Variants in FCHO2 observed in about 807,000 individuals in gnomAD.
FCHO2 encodes the protein FCH and mu domain containing endocytic adaptor 2.
Under a neutral mutation model 114.1 loss-of-function variants are expected in FCHO2, and 43 were observed. That is an observed-to-expected ratio of 0.38 (90% CI 0.30 to 0.49). FCHO2 has a LOEUF of 0.49. FCHO2 is among the 20% of genes least tolerant of loss of function. The pLI is 0.97. For synonymous variants in FCHO2, 293 were observed against 315.2 expected (o/e 0.93, Z 0.75); for missense variants, 807 against 950.4 (o/e 0.85, Z 1.98).
At chr5:73,075,146 G>C (rs116103266) in intron 20 of FCHO2, among the ~76,000 whole-genome samples, 1,651 of 152,186 alleles carry the variant, frequency 0.011, 27 homozygotes, top group Middle Eastern at 0.037. Context: ...ATTATAGTGA[G>C]GGAAAACTAA....
intron 5 of FCHO2, among the ~76,000 whole-genome samples, chr5:72,994,410 A>C (rs1484644024): frequency 2.6e-5 from 4 of 152,238 alleles, no homozygotes; most frequent in Non-Finnish European, 5.9e-5. Flanking sequence ...GATCAGAGAA[A>C]TGCAAATCAA....
intron 22 of FCHO2, among the ~76,000 whole-genome samples, chr5:73,080,333 G>C (rs1743050900): frequency 6.6e-6 from 1 of 152,228 alleles, no homozygotes; most frequent in Admixed American, 6.5e-5. Flanking sequence ...TAGGATGCAA[G>C]TAAAACCTCT....
At position 73,034,666 on chromosome 5, in the gene FCHO2, A is replaced by G; in HGVS notation, c.806A>G (p.Glu269Gly). ...GTGKERPGLI[E>G]FEECDTASAV... ...ATTTCTTTTTTTCCAGGCCTCATTG[A>G]ATTTGAAGAATGTGACACTGCTAGT... Residue 269 changes from glutamate to glycine, a missense_variant, in exon 9 of 26, where the codon GAA (glutamate) becomes GGA (glycine). Coordinates refer to ENST00000430046, the MANE Select transcript of FCHO2 (RefSeq NM_138782.3). 1 of 1,597,360 alleles carries G rather than the reference A, an allele frequency of 6.3e-7. No individual in the cohort carries two copies. The highest frequency in any genetic ancestry group is 1.3e-5 in the African/African-American group (1 of 74,188).
At chr5:73,014,058 T>C (rs1755166826) in intron 6 of FCHO2, among the ~76,000 whole-genome samples, 1 of 152,094 alleles carries the variant, frequency 6.6e-6, no homozygotes, top group African/African-American at 2.4e-5. Flanking sequence ...TCAGAGTAAC[T>C]TGGAAATTTT....
intron 5 of FCHO2, among the ~76,000 whole-genome samples, chr5:73,004,399 G>C (rs2112709903): frequency 6.6e-6 from 1 of 152,220 alleles, no homozygotes; most frequent in East Asian, 1.9e-4. Context: ...ATCTATAGGA[G>C]CAAACTAGAA....
intron 5 of FCHO2, among the ~76,000 whole-genome samples, chr5:73,003,127 C>T (rs1754534342): frequency 6.6e-6 from 1 of 151,992 alleles, no homozygotes; most frequent in African/African-American, 2.4e-5. Context: ...ACCTCAGCTT[C>T]TTGAGTAGCT....
At chr5:73,020,608 A>G in intron 8 of FCHO2, 2 of 718,106 alleles carry the variant, frequency 2.8e-6, no homozygotes, top group African/African-American at 3.5e-5. Flanking sequence ...AAGGGGAATG[A>G]TGGGTTGGAG....
chr5:72,986,971 C>T (rs746677041), intron 2 of FCHO2, among the ~76,000 whole-genome samples: 30 of 151,676 alleles, frequency 2.0e-4, no homozygotes, highest in South Asian at 4.2e-4. Flanking sequence ...CTCTGCCTCC[C>T]GGGTTCACAC....
chr5:73,051,665 T>G (rs1359221080), intron 12 of FCHO2, among the ~76,000 whole-genome samples: 4 of 151,334 alleles, frequency 2.6e-5, no homozygotes, highest in African/African-American at 9.7e-5. Context: ...CTCCCGGGTT[T>G]CAGCGATTCT....
intron 1 of FCHO2, among the ~76,000 whole-genome samples, chr5:72,956,453 C>T (rs1393084112): frequency 6.6e-6 from 1 of 151,380 alleles, no homozygotes; most frequent in Non-Finnish European, 1.5e-5. Context: ...TGCCGCGCTC[C>T]GCGCGGGGCG....
Position 73,047,399 on chromosome 5 carries a change from G to GT in FCHO2, c.940-3939dup, listed in dbSNP as rs547445934. Among the ~76,000 whole-genome samples the GT allele has an allele frequency of 7.5e-3, 1,086 of 145,140 alleles. 6 individuals carry two copies. Among genetic ancestry groups the GT allele is most frequent in the Middle Eastern group, 0.022 (6 of 278 alleles). On this transcript the variant is annotated intron_variant, in intron 11 of 25. Transcript: ENST00000430046. Reference sequence around the variant, plus strand: ...TTGTGTTCTAATTATCCTTTCTGTAGTTTTTTTTTTTAAACAAAGATAAGC... The same window carrying GT: ...TTGTGTTCTAATTATCCTTTCTGTAGTTTTTTTTTTTTAAACAAAGATAAGC...
At chr5:73,016,082 C>T (rs1467106332) in intron 7 of FCHO2, among the ~76,000 whole-genome samples, 1 of 151,762 alleles carries the variant, frequency 6.6e-6, no homozygotes, top group Non-Finnish European at 1.5e-5. Flanking sequence ...TAGAAGTGTT[C>T]CACAAATATA....
intron 2 of FCHO2, among the ~76,000 whole-genome samples, chr5:72,981,827 A>G (rs1753226906): frequency 1.3e-5 from 2 of 152,156 alleles, no homozygotes. Context: ...TAAACTGGTT[A>G]TTCTAGTTAG....
At chr5:73,017,032 C>G (rs968445612) in intron 7 of FCHO2, among the ~76,000 whole-genome samples, 180 bp from the exon 8 acceptor site, 2 of 152,108 alleles carry the variant, frequency 1.3e-5, no homozygotes, top group Non-Finnish European at 2.9e-5. Flanking sequence ...TAATGTAAGT[C>G]ATGGTTGGTC....
At chr5:72,995,955 C>T (rs1754069205) in intron 5 of FCHO2, among the ~76,000 whole-genome samples, 1 of 151,958 alleles carries the variant, frequency 6.6e-6, no homozygotes, top group African/African-American at 2.4e-5. Context: ...AAAAAAAAAT[C>T]CTGTTGGCAA....
intron 2 of FCHO2, among the ~76,000 whole-genome samples, chr5:72,983,287 G>A (rs545913625): frequency 2.6e-5 from 4 of 152,058 alleles, no homozygotes; most frequent in Non-Finnish European, 5.9e-5. Flanking sequence ...TACATGTGCC[G>A]TGGTGGTTTG....
chr5:72,956,141 A>C lies in FCHO2; in HGVS notation c.33+12A>C, dbSNP rs1024814795. On this transcript the variant is annotated intron_variant, in intron 1 of 25. Coordinates refer to ENST00000430046, the MANE Select transcript of FCHO2 (RefSeq NM_138782.3). ...TCGAGAATTTTTGGGTAAGCTTAGG[A>C]TGTTGGAAGTCGTGTGTTTCGAAGT... The C allele has an allele frequency of 6.5e-7, 1 of 1,535,358 alleles. No homozygotes were observed. The highest frequency in any genetic ancestry group is 8.8e-7 in the Non-Finnish European group (1 of 1,140,632).
intron 22 of FCHO2, among the ~76,000 whole-genome samples, chr5:73,080,592 G>A (rs780572144): frequency 6.6e-6 from 1 of 152,142 alleles, no homozygotes; most frequent in Non-Finnish European, 1.5e-5. Flanking sequence ...TATATGCCAG[G>A]ATTCCAAGGG....
intron 2 of FCHO2, among the ~76,000 whole-genome samples, chr5:72,985,918 G>C (rs550329063): frequency 1.3e-5 from 2 of 152,050 alleles, no homozygotes; most frequent in Admixed American, 1.3e-4. Flanking sequence ...ATCAGTTTTG[G>C]AAAATTCCCC....
Sources: gnomAD v4.1 joint callset for allele counts (sites outside exome capture counted in the v4.1 genomes callset) on GRCh38, gnomAD v4.1.1 for gene constraint, MANE v1.5 for transcripts, NCBI Gene and HGNC (gene_info 2026-07-23, HGNC 2026-07-21) for gene names.